NPAS3: variants seen among roughly 807,000 people sequenced by gnomAD.
NPAS3 encodes neuronal PAS domain protein 3.
In NPAS3, 14 loss-of-function variants were observed where a neutral mutation model predicts 73.1. That is an observed-to-expected ratio of 0.19 (90% CI 0.13 to 0.30). The LOEUF (loss-of-function observed/expected upper bound fraction) is 0.30. NPAS3 is among the 10% of genes least tolerant of loss of function. The pLI, the probability that NPAS3 is intolerant of heterozygous loss-of-function variation, is 1.00. For synonymous variants in NPAS3, 620 were observed against 541.5 expected, an observed-to-expected ratio of 1.14 and a Z score of -2.01; for missense variants, 1,096 against 1,250.0, an observed-to-expected ratio of 0.88 and a Z score of 1.86.
At chr14:33,622,338 G>A (rs1330515225) in intron 5 of NPAS3, among the ~76,000 whole-genome samples, 1 of 151,428 alleles carries the variant, frequency 6.6e-6, no homozygotes, top group African/African-American at 2.4e-5. Flanking sequence ...TTTACTGAAA[G>A]TGCTAGAAAC....
intron 1 of NPAS3, among the ~76,000 whole-genome samples, chr14:32,941,183 G>A (rs1248021008): frequency 7.1e-6 from 1 of 141,116 alleles, no homozygotes; most frequent in African/African-American, 2.7e-5. Flanking sequence ...TTTATAATTG[G>A]TTTTCTTCCC....
chr14:33,668,307 C>T (rs929166179), intron 5 of NPAS3, among the ~76,000 whole-genome samples: 7 of 152,114 alleles, frequency 4.6e-5, no homozygotes, highest in Non-Finnish European at 7.4e-5. Flanking sequence ...CACTGAGGAA[C>T]GACTAATTGT....
At chr14:33,166,592 G>A (rs1566630692) in intron 2 of NPAS3, among the ~76,000 whole-genome samples, 1 of 152,098 alleles carries the variant, frequency 6.6e-6, no homozygotes, top group Non-Finnish European at 1.5e-5. Flanking sequence ...CTGAATTGAA[G>A]TGAATTAAAT....
At chr14:33,741,292 T>C (rs2061649978) in intron 7 of NPAS3, among the ~76,000 whole-genome samples, 1 of 152,166 alleles carries the variant, frequency 6.6e-6, no homozygotes, top group Non-Finnish European at 1.5e-5. Context: ...AATGTAACTG[T>C]CTTGTCAAAT....
intron 1 of NPAS3, among the ~76,000 whole-genome samples, chr14:32,949,312 C>G (rs2036391170): frequency 6.6e-6 from 1 of 151,960 alleles, no homozygotes; most frequent in Non-Finnish European, 1.5e-5. Context: ...TTACTTTAGT[C>G]TCATTGTAGC....
In NPAS3 at chr14:33,527,572, C is replaced by T. The variant is rs146930060; in HGVS notation, c.469-32549C>T. Among the ~76,000 whole-genome samples the T allele has an allele frequency of 1.8e-3, 276 of 152,190 alleles. 1 individual carries two copies. Among genetic ancestry groups the T allele is most frequent in the African/African-American group, 6.6e-3 (273 of 41,546 alleles). On this transcript the variant is annotated intron_variant, in intron 4 of 11. Transcript: ENST00000356141. ...ACAAATGCACACCCGTTATGAGTTACTGATACTGGAAAGATTTGAGTAAGT... is the reference window on the plus strand; with the variant it reads ...ACAAATGCACACCCGTTATGAGTTATTGATACTGGAAAGATTTGAGTAAGT...
At chr14:33,695,466 A>G (rs1323508050) in intron 6 of NPAS3, among the ~76,000 whole-genome samples, 1 of 152,212 alleles carries the variant, frequency 6.6e-6, no homozygotes. Flanking sequence ...TTAAACTCCA[A>G]AACTCATATT....
intron 6 of NPAS3, among the ~76,000 whole-genome samples, chr14:33,703,841 C>T (rs997725183): frequency 1.3e-5 from 2 of 152,148 alleles, no homozygotes; most frequent in East Asian, 3.9e-4. Flanking sequence ...AATAACTCAT[C>T]TCAAGATCAC....
chr14:33,743,369 G>A (rs1396998378), intron 7 of NPAS3, among the ~76,000 whole-genome samples: 1 of 152,200 alleles, frequency 6.6e-6, no homozygotes, highest in African/African-American at 2.4e-5. Context: ...TAGGTGCATT[G>A]TCAGTGAACA....
In NPAS3 at chr14:33,779,793, G is replaced by A. The variant is rs569372612; in HGVS notation, c.1153+1221G>A. On this transcript the variant is annotated intron_variant, in intron 9 of 11. Coordinates refer to ENST00000356141, the Ensembl canonical transcript of NPAS3. The stretch of plus-strand genomic sequence containing the variant: ...CACAATGATGAAATACCCTAGTGAT[G>A]CATTTCTTAGAATGTATCCCCATCA... Among the ~76,000 whole-genome samples, 119 of 152,284 alleles carry A rather than the reference G, an allele frequency of 7.8e-4. 1 individual carries two copies. The highest frequency in any genetic ancestry group is 3.4e-3 in the Middle Eastern group (1 of 294).
intron 2 of NPAS3, among the ~76,000 whole-genome samples, chr14:33,206,724 G>T (rs1242216007): frequency 6.6e-6 from 1 of 152,108 alleles, no homozygotes; most frequent in Non-Finnish European, 1.5e-5. Context: ...TGATGGTGCT[G>T]TATACTGTTG....
chr14:33,214,437 AATATTAAATTTATATTT>A (rs2047147091), intron 2 of NPAS3: 2 of 152,232 alleles, frequency 1.3e-5, no homozygotes, highest in African/African-American at 4.8e-5. Context: ...TTTATCTTTC[AATATTAAATTTATATTT>A]TCCTAAAGTT....
chr14:33,442,405 C>T (rs1008510642), intron 4 of NPAS3, among the ~76,000 whole-genome samples: 2 of 128,548 alleles, frequency 1.6e-5, no homozygotes, highest in African/African-American at 7.2e-5. Flanking sequence ...AGAGCAAGTT[C>T]CTGTCTTAAA....
chr14:33,315,723 G>C (rs1190100546), intron 3 of NPAS3, among the ~76,000 whole-genome samples: 2 of 152,136 alleles, frequency 1.3e-5, no homozygotes, highest in Non-Finnish European at 2.9e-5. Flanking sequence ...ATGGATGTTA[G>C]AGGAAGATTC....
intron 1 of NPAS3, among the ~76,000 whole-genome samples, chr14:32,957,214 T>G (rs2036705847): frequency 6.6e-6 from 1 of 152,220 alleles, no homozygotes; most frequent in Non-Finnish European, 1.5e-5. Flanking sequence ...TTTTACAGTT[T>G]TAAAAATAAG....
intron 4 of NPAS3, among the ~76,000 whole-genome samples, chr14:33,449,875 C>T (rs936834440): frequency 1.3e-5 from 2 of 152,108 alleles, no homozygotes; most frequent in African/African-American, 4.8e-5. Flanking sequence ...GATTTATTCC[C>T]AGCTGTGGAT....
At chr14:33,437,011 C>T (rs765451701) in intron 4 of NPAS3, among the ~76,000 whole-genome samples, 9 of 152,140 alleles carry the variant, frequency 5.9e-5, no homozygotes, top group Non-Finnish European at 1.3e-4. Context: ...TTTTGAAAAA[C>T]GTGTAAAATC....
chr14:33,230,560 G>A (rs548363655), intron 3 of NPAS3, among the ~76,000 whole-genome samples: 21 of 152,066 alleles, frequency 1.4e-4, no homozygotes, highest in Non-Finnish European at 2.8e-4. Context: ...ATCTACTCTA[G>A]ATTATTAAAA....
intron 1 of NPAS3, among the ~76,000 whole-genome samples, chr14:32,978,111 G>T (rs1035918599): frequency 7.1e-6 from 1 of 141,842 alleles, no homozygotes; most frequent in Admixed American, 6.9e-5. Context: ...AAGTGAAGAT[G>T]TGGGGGGGTG....
Sources: allele counts gnomAD v4.1 joint callset (sites outside exome capture counted in the v4.1 genomes callset), GRCh38; gene constraint gnomAD v4.1.1; transcripts MANE v1.5; gene names NCBI Gene and HGNC (gene_info 2026-07-23, HGNC 2026-07-21).